Variants in SRRM4 observed in about 807,000 individuals in gnomAD.
SRRM4 encodes the protein serine/arginine repetitive matrix 4.
Under a neutral mutation model 68.9 loss-of-function variants are expected in SRRM4, and 33 were observed. That is an observed-to-expected ratio of 0.48 (90% CI 0.36 to 0.64). The LOEUF (loss-of-function observed/expected upper bound fraction) is 0.64. Among genes scored for constraint, SRRM4 ranks in the 30% least tolerant of loss-of-function variants. The pLI, the probability that SRRM4 is intolerant of heterozygous loss-of-function variation, is 0.00. For missense variants in SRRM4, 817 were observed against 827.1 expected (o/e 0.99, Z 0.15); for synonymous variants, 318 against 318.8 (o/e 1.00, Z 0.03).
At chr12:119,008,242 T>G (rs1953427469) in intron 1 of SRRM4, among the ~76,000 whole-genome samples, 1 of 151,698 alleles carries the variant, frequency 6.6e-6, no homozygotes, top group Admixed American at 6.6e-5. Context: ...ATACAAAAAT[T>G]AGCCAGGTGT....
intron 2 of SRRM4, among the ~76,000 whole-genome samples, chr12:119,112,883 G>A (rs1038579577): frequency 3.3e-5 from 5 of 152,028 alleles, no homozygotes; most frequent in Admixed American, 2.0e-4. Context: ...CGGGTTGATA[G>A]GTGCAGCAAA....
intron 1 of SRRM4, among the ~76,000 whole-genome samples, chr12:119,081,459 G>T (rs1282539558): frequency 6.6e-6 from 1 of 152,210 alleles, no homozygotes; most frequent in Non-Finnish European, 1.5e-5. Context: ...GTGCATCAGG[G>T]AACAGCAAAG....
intron 1 of SRRM4, among the ~76,000 whole-genome samples, chr12:119,029,500 G>A (rs974692768): frequency 3.9e-5 from 6 of 152,150 alleles, no homozygotes; most frequent in Admixed American, 1.3e-4. Flanking sequence ...AACCACTGAG[G>A]CATTCAACAA....
At chr12:119,071,401 C>A (rs115273339) in intron 1 of SRRM4, among the ~76,000 whole-genome samples, 1,639 of 152,272 alleles carry the variant, frequency 0.011, 39 homozygotes, top group African/African-American at 0.037. Flanking sequence ...CCCAATAATG[C>A]GGTTGTGAGA....
chr12:119,142,374 G>A (rs1215824560), intron 8 of SRRM4, among the ~76,000 whole-genome samples: 13 of 152,196 alleles, frequency 8.5e-5, no homozygotes, highest in Admixed American at 8.5e-4. Context: ...AGTTACATGT[G>A]GATAAGTCAG....
intron 1 of SRRM4, among the ~76,000 whole-genome samples, chr12:118,984,289 C>T (rs1953268155): frequency 1.3e-5 from 2 of 152,182 alleles, no homozygotes; most frequent in Admixed American, 6.5e-5. Flanking sequence ...GGTGAAAGTA[C>T]CATGTTTCCA....
At chr12:119,120,153 TTCTCTCCCTCTCTCCATCTCTCTC>T in intron 4 of SRRM4, 73 bp from the exon 5 acceptor site, 2 of 679,170 alleles carry the variant, frequency 2.9e-6, no homozygotes, top group Non-Finnish European at 4.9e-6. Context: ...CTTTCTCTCC[TTCTCTCCCTCTCTCCATCTCTCTC>T]TCTCTCCCTC....
At chr12:119,038,535 T>C (rs1017279605) in intron 1 of SRRM4, among the ~76,000 whole-genome samples, 1 of 152,138 alleles carries the variant, frequency 6.6e-6, no homozygotes, top group African/African-American at 2.4e-5. Flanking sequence ...TTACCAACAT[T>C]TCTAGGTGTT....
chr12:119,151,238 CT>C lies in SRRM4; in HGVS notation c.1280+21del. The C allele has an allele frequency of 6.2e-7, 1 of 1,605,972 alleles. No individual in the cohort carries two copies. Among genetic ancestry groups the C allele is most frequent in the South Asian group, 1.1e-5 (1 of 90,934 alleles). On this transcript the variant is annotated intron_variant, in intron 10 of 12. Coordinates refer to ENST00000267260, the MANE Select transcript of SRRM4 (RefSeq NM_194286.4). ...GAAAAAAGGTGAGTGTGGTTTTGACCTTTGCTCTGCAGCACCTTTCTCCTTA... is the reference window on the plus strand; with the variant it reads ...GAAAAAAGGTGAGTGTGGTTTTGACCTTGCTCTGCAGCACCTTTCTCCTTA...
chr12:119,016,969 G>C (rs1953485842), intron 1 of SRRM4, among the ~76,000 whole-genome samples: 1 of 152,198 alleles, frequency 6.6e-6, no homozygotes. Flanking sequence ...TCATAGTATT[G>C]TTGTGATAAT....
At chr12:118,988,041 G>C (rs1419576422) in intron 1 of SRRM4, among the ~76,000 whole-genome samples, 1 of 151,900 alleles carries the variant, frequency 6.6e-6, no homozygotes, top group Non-Finnish European at 1.5e-5. Flanking sequence ...GAAACATTCA[G>C]TATTTTTCTT....
At chr12:119,079,816 G>T (rs970010218) in intron 1 of SRRM4, among the ~76,000 whole-genome samples, 3 of 152,090 alleles carry the variant, frequency 2.0e-5, no homozygotes, top group Admixed American at 2.0e-4. Flanking sequence ...CTAGTCAAGT[G>T]GGGTAATGTG....
At chr12:119,027,048 T>G (rs918889599) in intron 1 of SRRM4, among the ~76,000 whole-genome samples, 9 of 152,126 alleles carry the variant, frequency 5.9e-5, no homozygotes, top group Admixed American at 5.9e-4. Flanking sequence ...CCTTTATTCC[T>G]CTGGACGCTG....
chr12:119,003,654 C>A (rs1215543191), intron 1 of SRRM4, among the ~76,000 whole-genome samples: 1 of 151,942 alleles, frequency 6.6e-6, no homozygotes, highest in African/African-American at 2.4e-5. Flanking sequence ...TCCCAATGGG[C>A]AGCAGAAAGA....
chr12:119,108,650 T>G (rs188112130), intron 2 of SRRM4, among the ~76,000 whole-genome samples: 2,894 of 152,206 alleles, frequency 0.019, 56 homozygotes, highest in Middle Eastern at 0.034. Flanking sequence ...CTGTTTGTTT[T>G]TTTTTTGTTT....
rs1379916145 is a variant in SRRM4 at position 119,119,646 on chromosome 12, TG to T, written c.438-600del. Reference sequence around the variant, plus strand: ...GTTGTTAATAGTACTCCACAGGGCTTGGGGAAGATTGAATGAGATTGTACGT... The same window carrying T: ...GTTGTTAATAGTACTCCACAGGGCTTGGGAAGATTGAATGAGATTGTACGT... On this transcript the variant is annotated intron_variant, in intron 4 of 12. Transcript: ENST00000267260. 8.5e-5 allele frequency among the ~76,000 whole-genome samples: 13 copies of T among 152,174 alleles called. No individual in the cohort carries two copies. In the East Asian group the frequency reaches 2.1e-3, roughly 25 times the overall value.
intron 1 of SRRM4, among the ~76,000 whole-genome samples, chr12:118,985,190 T>C (rs754533513): frequency 2.6e-5 from 4 of 152,218 alleles, no homozygotes; most frequent in Non-Finnish European, 5.9e-5. Context: ...TCAGATGAAG[T>C]TAACACACAT....
At chr12:119,013,807 C>T (rs868595157) in intron 1 of SRRM4, among the ~76,000 whole-genome samples, 3 of 152,044 alleles carry the variant, frequency 2.0e-5, no homozygotes, top group Admixed American at 6.5e-5. Context: ...CATTTTGGTA[C>T]ATTTATTTTG....
rs1954461897 is a variant in SRRM4 at position 119,154,713 on chromosome 12, G to A, written c.1532+330G>A. On this transcript the variant is annotated intron_variant, in intron 12 of 12. Transcript: ENST00000267260. The surrounding 1 kb of genome is among the most constrained non-coding windows in gnomAD (Gnocchi z 4.7). ...GCCGGGGAGGCGGAGCTGGGGGAGA[G>A]AGTGGCGTCAGGCCAGGGAATGGAG... Among the ~76,000 whole-genome samples the A allele has an allele frequency of 6.6e-6, 1 of 152,200 alleles. No homozygotes were observed. Among genetic ancestry groups the A allele is most frequent in the African/African-American group, 2.4e-5 (1 of 41,446 alleles).
Sources: gnomAD v4.1 joint callset for allele counts (sites outside exome capture counted in the v4.1 genomes callset) on GRCh38, gnomAD v4.1.1 for gene constraint, Gnocchi (gnomAD v3.1) non-coding constraint, MANE v1.5 for transcripts, NCBI Gene and HGNC (gene_info 2026-07-23, HGNC 2026-07-21) for gene names.